The following SEPHS1 variants were observed in gnomAD, a reference collection of about 807,000 sequenced individuals.
SEPHS1 encodes zincore component SEPHS1.
A neutral mutation model predicts 39.2 loss-of-function variants in SEPHS1; 7 were observed. The ratio of observed to expected loss-of-function variants is 0.18; its 90% CI spans 0.10 to 0.34. The LOEUF (loss-of-function observed/expected upper bound fraction) is 0.34. Among genes scored for constraint, SEPHS1 ranks in the 10% least tolerant of loss-of-function variants. The pLI, the probability that SEPHS1 is intolerant of heterozygous loss-of-function variation, is 1.00. For synonymous variants in SEPHS1, 190 were observed against 195.5 expected (o/e 0.97, Z 0.23); for missense variants, 253 against 514.5 (o/e 0.49, Z 4.92).
chr10:13,340,631 TTGC>T (rs1391658039), intron 2 of SEPHS1: 1 of 152,262 alleles, frequency 6.6e-6, no homozygotes, highest in African/African-American at 2.4e-5. Context: ...ACTAAAATTG[TTGC>T]TGAATGTTAG....
At position 13,318,741 on chromosome 10, in the gene SEPHS1, AAAAAAAAAAATCAG is replaced by A. The variant is rs1833015531; in HGVS notation, c.*387_*400del. On this transcript the variant is annotated 3_prime_UTR_variant, in exon 9 of 9. Transcript: ENST00000327347. ...CTCCAGAAAACCATTCAAGACGCTTAAAAAAAAAAATCAGACTTATATGATAAATATACATAAAA... is the reference window on the plus strand; with the variant it reads ...CTCCAGAAAACCATTCAAGACGCTTAACTTATATGATAAATATACATAAAA... 1 of 162,056 alleles carries A rather than the reference AAAAAAAAAAATCAG, an allele frequency of 6.2e-6. No homozygotes were observed. The highest frequency in any genetic ancestry group is 2.4e-5 in the African/African-American group (1 of 40,818). 10.0% of individuals were successfully genotyped at this position (162,056 alleles called of 1,614,324 possible).
intron 6 of SEPHS1, 70 bp from the exon 7 acceptor site, chr10:13,328,520 G>A (rs1234025293): frequency 9.5e-7 from 1 of 1,051,692 alleles, no homozygotes; most frequent in Non-Finnish European, 1.4e-6. Context: ...TCTAGCAACT[G>A]AGAAAAACAG....
chr10:13,339,980 G>T (rs1464824034), intron 2 of SEPHS1, among the ~76,000 whole-genome samples: 1 of 152,164 alleles, frequency 6.6e-6, no homozygotes, highest in Non-Finnish European at 1.5e-5. Context: ...ATAGCCAAAA[G>T]CAGGGAAAAA....
chr10:13,323,742 T>C (rs1420108791), intron 7 of SEPHS1, among the ~76,000 whole-genome samples: 5 of 151,418 alleles, frequency 3.3e-5, no homozygotes, highest in Non-Finnish European at 5.9e-5. Flanking sequence ...TAAATTTCTT[T>C]CTTTTTTTTT....
chr10:13,336,956 G>A (rs1833654907), intron 3 of SEPHS1, among the ~76,000 whole-genome samples: 1 of 152,182 alleles, frequency 6.6e-6, no homozygotes, highest in African/African-American at 2.4e-5. Flanking sequence ...TTAAAGACCA[G>A]CCTGGCCAAC....
rs1588538228 is a variant in SEPHS1, at chr10:13,329,587, A to G, written c.651+111T>C. 13 of 748,454 alleles carry G rather than the reference A, an allele frequency of 1.7e-5. No homozygotes were observed. In the South Asian group the frequency reaches 2.0e-4, roughly 12 times the overall value. The allele number at this position is 748,454 out of a possible 1,614,324, so 46.4% of individuals were successfully genotyped here. On this transcript the variant is annotated intron_variant, in intron 6 of 8. Transcript: ENST00000327347. Reference sequence around the variant, plus strand: ...GGATTTCTTTAAGGACTTGACTAATATTAACTCCCTGGATATGAAACTAAA... The same window carrying G: ...GGATTTCTTTAAGGACTTGACTAATGTTAACTCCCTGGATATGAAACTAAA...
In SEPHS1 at chr10:13,323,051, G is replaced by A. The variant is rs1564442721; in HGVS notation, c.752-4C>T. On this transcript the variant is annotated splice_polypyrimidine_tract_variant and splice_region_variant and intron_variant, in intron 7 of 8. Transcript: ENST00000327347. ...AACGTGTGCATGAGTCCTGCAGCTG[G>A]GAGAGAGAGGGGGCGGCTCTGAGAA... 6.2e-7 allele frequency: 1 copy of A among 1,613,388 alleles called. No individual in the cohort carries two copies. Among genetic ancestry groups the A allele is most frequent in the Non-Finnish European group, 8.5e-7 (1 of 1,179,624 alleles).
Position 13,344,984 on chromosome 10 carries a change from C to T in SEPHS1, c.-34G>A. ...GGCCCCGCTCTCCTCACAGCTCAGC[C>T]CCTCCCCTCCCTCTGCGGGTTGGCT... On this transcript the variant is annotated 5_prime_UTR_variant, in exon 2 of 9. Transcript: ENST00000327347. 4 of 1,410,456 alleles carry T rather than the reference C, an allele frequency of 2.8e-6. No homozygotes were observed. The highest frequency in any genetic ancestry group is 2.8e-6 in the Non-Finnish European group (3 of 1,071,150). 87.4% of individuals were successfully genotyped at this position (1,410,456 alleles called of 1,614,324 possible).
chr10:13,346,006 TTC>T (rs1225040557), intron 1 of SEPHS1, among the ~76,000 whole-genome samples: 5 of 152,264 alleles, frequency 3.3e-5, no homozygotes, highest in Non-Finnish European at 7.3e-5. Flanking sequence ...GCCTGGAAAG[TTC>T]TCTGATGTTT....
intron 3 of SEPHS1, among the ~76,000 whole-genome samples, chr10:13,338,030 A>G (rs941090044): frequency 1.3e-5 from 2 of 152,178 alleles, no homozygotes; most frequent in Non-Finnish European, 2.9e-5. Flanking sequence ...GGTGGTAGCA[A>G]ATTGGGGTTA....
intron 4 of SEPHS1, among the ~76,000 whole-genome samples, chr10:13,335,745 C>T (rs556007503): frequency 2.4e-4 from 36 of 151,938 alleles, no homozygotes; most frequent in African/African-American, 8.4e-4. Flanking sequence ...TTTGGGATGC[C>T]GAGATAGGTG....
In SEPHS1 at chr10:13,336,340, G is replaced by A. The variant is rs752102842; in HGVS notation, c.308C>T (p.Ala103Val). Reference protein sequence around the residue: ...VDDPYMMGRIACANVLSDLYA... With the variant: ...VDDPYMMGRIVCANVLSDLYA... ...GAGGTCACTGAGGACATTGGCACAC[G>A]CTATCCTGCCCTGGGAAGAGAGGGA... Residue 103 changes from alanine (A) to valine (V), a missense_variant, in exon 4 of 9, where the codon GCG (alanine) becomes GTG (valine). Transcript: ENST00000327347. 10 of 1,612,254 alleles carry A rather than the reference G, an allele frequency of 6.2e-6. No homozygotes were observed. Among genetic ancestry groups the A allele is most frequent in the African/African-American group, 1.3e-5 (1 of 74,898 alleles).
chr10:13,327,593 A>G (rs1172134722), intron 7 of SEPHS1, among the ~76,000 whole-genome samples: 2 of 152,246 alleles, frequency 1.3e-5, no homozygotes, highest in Non-Finnish European at 2.9e-5. Context: ...AGACATATTA[A>G]AAAACGCTTT....
chr10:13,336,225 C>T lies in SEPHS1; in HGVS notation c.405+18G>A, dbSNP rs758852573. The T allele has an allele frequency of 1.3e-5, 20 of 1,547,644 alleles. No homozygotes were observed. The highest frequency in any genetic ancestry group is 5.6e-5 in the South Asian group (5 of 89,534). On this transcript the variant is annotated intron_variant, in intron 4 of 8. Coordinates refer to ENST00000327347, the MANE Select transcript of SEPHS1 (RefSeq NM_012247.5). Reference sequence around the variant, plus strand: ...GGGACAACACGGACCAGGCAGCAGCCGGGTAGCTCCTACTTACCCTGTCGG... The same window carrying T: ...GGGACAACACGGACCAGGCAGCAGCTGGGTAGCTCCTACTTACCCTGTCGG...
intron 8 of SEPHS1, chr10:13,321,960 G>T (rs1339654479): frequency 1.2e-5 from 5 of 418,682 alleles, no homozygotes; most frequent in Non-Finnish European, 2.3e-5. Flanking sequence ...CTACTGGGGC[G>T]TATGGTGTCA....
intron 1 of SEPHS1, 77 bp from the exon 2 acceptor site, chr10:13,345,105 G>T: frequency 1.7e-6 from 1 of 601,214 alleles, no homozygotes; most frequent in Non-Finnish European, 2.7e-6. Flanking sequence ...GTGAATACAT[G>T]ACAGCGAAAA....
intron 7 of SEPHS1, 46 bp from the exon 8 acceptor site, chr10:13,323,093 A>G: frequency 2.0e-6 from 3 of 1,516,604 alleles, no homozygotes; most frequent in Non-Finnish European, 2.7e-6. Flanking sequence ...CCTTTCCTCA[A>G]CTCAAAAATC....
chr10:13,333,493 T>C (rs10906349), intron 5 of SEPHS1, among the ~76,000 whole-genome samples: 62,102 of 150,816 alleles, frequency 0.41, 14,433 homozygotes, highest in East Asian at 0.69. Flanking sequence ...CAGGCTAGAG[T>C]GCAGGGGCAT....
intron 4 of SEPHS1, among the ~76,000 whole-genome samples, chr10:13,334,560 T>C (rs1170176429): frequency 6.7e-6 from 1 of 148,978 alleles, no homozygotes; most frequent in African/African-American, 2.5e-5. Context: ...AAAAAAAAAA[T>C]ATTGCTTGGT....
Sources: gnomAD v4.1 joint callset for allele counts (sites outside exome capture counted in the v4.1 genomes callset) on GRCh38, gnomAD v4.1.1 for gene constraint, MANE v1.5 for transcripts, NCBI Gene and HGNC (gene_info 2026-07-23, HGNC 2026-07-21) for gene names.